The following AGPS variants were observed in gnomAD, a reference collection of about 807,000 sequenced individuals.
AGPS encodes the protein alkylglycerone phosphate synthase, also known as alkyldihydroxyacetonephosphate synthase, peroxisomal.
Under a neutral mutation model 90.7 loss-of-function variants are expected in AGPS, and 26 were observed. That is an observed-to-expected ratio of 0.29 (90% CI 0.21 to 0.40). The LOEUF (loss-of-function observed/expected upper bound fraction) is 0.40, where lower values mean the gene tolerates loss of function less well. Ranked by LOEUF, AGPS falls within the 10% of genes least tolerant of loss-of-function variation. The pLI, the probability that AGPS is intolerant of heterozygous loss-of-function variation, is 1.00. For missense variants in AGPS, 540 were observed against 816.1 expected (o/e 0.66, Z 4.12); for synonymous variants, 294 against 285.3 (o/e 1.03, Z -0.31).
chr2:177,405,673 G>GTTTTTTTTTTTT (rs56860445), intron 1 of AGPS, among the ~76,000 whole-genome samples: 1 of 144,908 alleles, frequency 6.9e-6, no homozygotes. Context: ...CTATTCTGTT[G>GTTTTTTTTTTTT]TTTTTTTTTT....
intron 9 of AGPS, among the ~76,000 whole-genome samples, chr2:177,466,906 G>A (rs1024254724): frequency 1.3e-5 from 2 of 151,986 alleles, no homozygotes; most frequent in Non-Finnish European, 2.9e-5. Context: ...ATTCCTGCGT[G>A]CTTCCGGCCC....
chr2:177,533,871 T>C (rs2079160656), intron 19 of AGPS, among the ~76,000 whole-genome samples: 1 of 152,176 alleles, frequency 6.6e-6, no homozygotes, highest in Non-Finnish European at 1.5e-5. Context: ...TATAGAATAG[T>C]GCTAAAGAGA....
chr2:177,513,944 T>G, intron 17 of AGPS, 36 bp downstream of exon 17: 1 of 1,487,364 alleles, frequency 6.7e-7, no homozygotes. Flanking sequence ...CTTCTTATTC[T>G]GAAAAAAATG....
intron 10 of AGPS, among the ~76,000 whole-genome samples, chr2:177,476,477 ATTTC>A (rs1687784861): frequency 2.0e-5 from 3 of 151,852 alleles, no homozygotes; most frequent in Admixed American, 6.6e-5. Context: ...TAGCTTTCCA[ATTTC>A]TTTCTTATCA....
intron 8 of AGPS, among the ~76,000 whole-genome samples, chr2:177,450,213 C>T (rs966822132): frequency 2.0e-5 from 3 of 152,086 alleles, no homozygotes; most frequent in Admixed American, 2.0e-4. Context: ...GGGAATAAGT[C>T]TTTTTTCAGA....
intron 7 of AGPS, among the ~76,000 whole-genome samples, chr2:177,443,608 A>G (rs1298604908): frequency 6.6e-6 from 1 of 152,232 alleles, no homozygotes; most frequent in Non-Finnish European, 1.5e-5. Context: ...AATGTCACAT[A>G]ACATCAATAG....
At chr2:177,440,340 T>C (rs1316186489) in intron 5 of AGPS, among the ~76,000 whole-genome samples, 1 of 152,140 alleles carries the variant, frequency 6.6e-6, no homozygotes, top group African/African-American at 2.4e-5. Flanking sequence ...GTTCATATCA[T>C]GTGCCTCTAG....
intron 1 of AGPS, among the ~76,000 whole-genome samples, chr2:177,415,117 G>A (rs1685749608): frequency 1.3e-5 from 2 of 151,916 alleles, no homozygotes; most frequent in African/African-American, 4.8e-5. Flanking sequence ...ATTTCATCGT[G>A]TTTCTATATG....
chr2:177,531,787 G>A (rs2079139346), intron 19 of AGPS, among the ~76,000 whole-genome samples: 1 of 152,112 alleles, frequency 6.6e-6, no homozygotes, highest in South Asian at 2.1e-4. Context: ...TGTTATTGGA[G>A]GAGGACACAT....
chr2:177,475,064 A>G (rs781006389), intron 10 of AGPS, among the ~76,000 whole-genome samples: 11 of 152,198 alleles, frequency 7.2e-5, no homozygotes, highest in Admixed American at 5.9e-4. Flanking sequence ...AAAGTTTTCC[A>G]TAGTCTATGG....
intron 5 of AGPS, 31 bp from the exon 6 acceptor site, chr2:177,440,934 G>A: frequency 6.4e-7 from 1 of 1,574,800 alleles, no homozygotes; most frequent in Non-Finnish European, 8.7e-7. Context: ...TTATGCCTCT[G>A]TAATTAATTT....
At chr2:177,439,104 A>G (rs1193057303) in intron 5 of AGPS, among the ~76,000 whole-genome samples, 2 of 152,192 alleles carry the variant, frequency 1.3e-5, no homozygotes, top group Non-Finnish European at 2.9e-5. Context: ...AGTAAGGACA[A>G]TTACTTCACT....
chr2:177,512,121 T>G (rs1027766821), intron 16 of AGPS, among the ~76,000 whole-genome samples: 2 of 152,124 alleles, frequency 1.3e-5, no homozygotes, highest in Non-Finnish European at 2.9e-5. Context: ...CTTACTACTT[T>G]TATAAATTTG....
chr2:177,514,770 A>C (rs957308307), intron 17 of AGPS, among the ~76,000 whole-genome samples: 22 of 152,098 alleles, frequency 1.4e-4, no homozygotes, highest in Admixed American at 7.2e-4. Flanking sequence ...AATTTGCTAA[A>C]TTGCACTTCT....
At chr2:177,421,023 T>C (rs1372266975) in intron 2 of AGPS, among the ~76,000 whole-genome samples, 1 of 152,004 alleles carries the variant, frequency 6.6e-6, no homozygotes, top group African/African-American at 2.4e-5. Flanking sequence ...TCAGTAAAAC[T>C]GGAAAAATAT....
At chr2:177,467,584 C>T (rs1002638586) in intron 9 of AGPS, among the ~76,000 whole-genome samples, 23 of 151,950 alleles carry the variant, frequency 1.5e-4, no homozygotes, top group African/African-American at 4.1e-4. Context: ...ATTTACTGGA[C>T]GTCTTATTTA....
intron 2 of AGPS, among the ~76,000 whole-genome samples, chr2:177,425,258 A>G (rs986539675): frequency 2.6e-5 from 4 of 151,960 alleles, no homozygotes; most frequent in African/African-American, 7.3e-5. Flanking sequence ...TTTGTGTAAG[A>G]TGTAAGGAAG....
At chr2:177,501,808 CAGGCTCA>C (rs1688568059) in intron 14 of AGPS, among the ~76,000 whole-genome samples, 1 of 152,170 alleles carries the variant, frequency 6.6e-6, no homozygotes, top group African/African-American at 2.4e-5. Context: ...GCTGGGATTA[CAGGCTCA>C]TGCCACCACG....
chr2:177,474,398 C>A (rs1002844584), intron 10 of AGPS, among the ~76,000 whole-genome samples: 1 of 152,214 alleles, frequency 6.6e-6, no homozygotes, highest in Non-Finnish European at 1.5e-5. Flanking sequence ...GTTCTGCCAA[C>A]AGGCTCCCAC....
Sources: allele counts gnomAD v4.1 joint callset (sites outside exome capture counted in the v4.1 genomes callset), GRCh38; gene constraint gnomAD v4.1.1; transcripts MANE v1.5; gene names NCBI Gene and HGNC (gene_info 2026-07-23, HGNC 2026-07-21).